Variants in RAB7A observed in about 807,000 individuals in gnomAD.
RAB7A encodes the protein RAB7A, member RAS oncogene family, also known as ras-related protein Rab-7a.
Under a neutral mutation model 24.5 loss-of-function variants are expected in RAB7A, and 2 were observed. The ratio of observed to expected loss-of-function variants is 0.08; its 90% CI spans 0.03 to 0.26. The LOEUF (loss-of-function observed/expected upper bound fraction) is 0.26, where lower values mean the gene tolerates loss of function less well. Ranked by LOEUF, RAB7A falls within the 10% of genes least tolerant of loss-of-function variation. The pLI is 1.00. For synonymous variants in RAB7A, 100 were observed against 95.9 expected (o/e 1.04, Z -0.25); for missense variants, 118 against 255.7 (o/e 0.46, Z 3.67).
intron 4 of RAB7A, 25 bp downstream of exon 4, chr3:128,806,615 T>C (rs1442033391): frequency 1.3e-6 from 2 of 1,596,304 alleles, no homozygotes; most frequent in East Asian, 2.2e-5. Context: ...TGATAGATAT[T>C]GTCACAGACA....
chr3:128,799,176 T>G (rs1219145518), intron 3 of RAB7A: 1 of 152,476 alleles, frequency 6.6e-6, no homozygotes, highest in East Asian at 1.9e-4. Flanking sequence ...GTGTTTGCCC[T>G]TGAGAGCATC....
At chr3:128,752,791 A>G (rs1293360824) in intron 1 of RAB7A, among the ~76,000 whole-genome samples, 2 of 138,814 alleles carry the variant, frequency 1.4e-5, no homozygotes, top group African/African-American at 5.4e-5. Context: ...ATAGAGGTTG[A>G]TATTTATTTT....
chr3:128,764,997 C>T (rs941124892), intron 1 of RAB7A: 213 of 1,591,570 alleles, frequency 1.3e-4, no homozygotes, highest in African/African-American at 3.3e-4. Context: ...GGCGCACCTG[C>T]GAGGTGGACG....
intron 5 of RAB7A, among the ~76,000 whole-genome samples, chr3:128,811,947 C>A (rs1415343092): frequency 6.6e-6 from 1 of 151,900 alleles, no homozygotes; most frequent in African/African-American, 2.4e-5. Flanking sequence ...GAATAATAGG[C>A]AACTCTATTG....
chr3:128,813,619 A>AGTG lies in RAB7A; in HGVS notation c.*198_*199insTGG, dbSNP rs886057943. 1.6e-6 allele frequency: 1 copy of AGTG among 622,648 alleles called. No homozygotes were observed. The highest frequency in any genetic ancestry group is 1.8e-5 in the African/African-American group (1 of 55,106). 38.6% of individuals were successfully genotyped at this position (622,648 alleles called of 1,614,324 possible). A position where few individuals can be genotyped will look rare whatever the true frequency, so the allele number is the denominator to read the frequency against. ...CACACACACGCACACACACACACAC[A>AGTG]GATCTGACGTAATCAAACTCCAGCC... On this transcript the variant is annotated 3_prime_UTR_variant, in exon 6 of 6. Transcript: ENST00000265062.
rs76401467 is a variant in RAB7A, at chr3:128,778,060, G to T, written c.-8-17300G>T. Among the ~76,000 whole-genome samples the T allele has an allele frequency of 1.6e-4, 24 of 152,294 alleles. No individual in the cohort carries two copies. The East Asian group carries it at 4.2e-3, about 27-fold the overall frequency. ...TGTGTCAGGAGGGAAAGAAGATGGT[G>T]TAGATATCAAGTAGTGAAATGAGTA... On this transcript the variant is annotated intron_variant, in intron 1 of 5. Transcript: ENST00000265062.
chr3:128,799,862 A>AG, intron 3 of RAB7A, among the ~76,000 whole-genome samples: 1 of 152,336 alleles, frequency 6.6e-6, no homozygotes, highest in East Asian at 1.9e-4. Flanking sequence ...ACCACTCTGT[A>AG]GGGACATTTA....
chr3:128,764,226 G>C (rs900943653), intron 1 of RAB7A, among the ~76,000 whole-genome samples: 1 of 152,096 alleles, frequency 6.6e-6, no homozygotes, highest in Non-Finnish European at 1.5e-5. Context: ...GATGAGTAGT[G>C]CAGTGACAGC....
At chr3:128,731,061 T>G (rs1039881090) in intron 1 of RAB7A, among the ~76,000 whole-genome samples, 1 of 152,230 alleles carries the variant, frequency 6.6e-6, no homozygotes, top group Admixed American at 6.5e-5. Flanking sequence ...CCTCAGCCTT[T>G]CCTTTCCAGC....
intron 2 of RAB7A, 117 bp from the exon 3 acceptor site, chr3:128,797,826 T>C: frequency 8.5e-7 from 1 of 1,181,848 alleles, no homozygotes; most frequent in Non-Finnish European, 1.3e-6. Context: ...CCCTTTGCTG[T>C]GAGGGCAGTT....
intron 1 of RAB7A, among the ~76,000 whole-genome samples, chr3:128,741,918 C>T (rs957725073): frequency 6.6e-6 from 1 of 152,164 alleles, no homozygotes; most frequent in Admixed American, 6.5e-5. Context: ...GCCTCCCAGG[C>T]TCAGGCGATC....
At chr3:128,732,090 A>G (rs1576265181) in intron 1 of RAB7A, among the ~76,000 whole-genome samples, 1 of 142,960 alleles carries the variant, frequency 7.0e-6, no homozygotes, top group African/African-American at 2.6e-5. Context: ...GCCAGGCTGG[A>G]GTGCAGTAGC....
chr3:128,726,857 A>G (rs1346574828), intron 1 of RAB7A, among the ~76,000 whole-genome samples: 1 of 152,218 alleles, frequency 6.6e-6, no homozygotes, highest in Non-Finnish European at 1.5e-5. Context: ...CCCTGACGGC[A>G]ACTGAGTCAA....
chr3:128,749,300 T>C (rs1056698639), intron 1 of RAB7A: 1 of 152,250 alleles, frequency 6.6e-6, no homozygotes, highest in African/African-American at 2.4e-5. Flanking sequence ...TTTGCTGATA[T>C]TGGAGTGATT....
intron 1 of RAB7A, among the ~76,000 whole-genome samples, chr3:128,780,318 A>G (rs1487032995): frequency 2.0e-5 from 3 of 152,220 alleles, no homozygotes; most frequent in Non-Finnish European, 4.4e-5. Flanking sequence ...TGTTGTAACT[A>G]TATTTCTATC....
At chr3:128,755,245 AG>A (rs2070719578) in intron 1 of RAB7A, among the ~76,000 whole-genome samples, 1 of 152,236 alleles carries the variant, frequency 6.6e-6, no homozygotes, top group Non-Finnish European at 1.5e-5. Context: ...ACCCTCTTCA[AG>A]AACCAGTGGT....
chr3:128,759,713 C>T (rs2070761852), intron 1 of RAB7A, among the ~76,000 whole-genome samples: 1 of 147,904 alleles, frequency 6.8e-6, no homozygotes, highest in South Asian at 2.1e-4. Flanking sequence ...ATGATGGTGA[C>T]TTTTTTTTTT....
Position 128,778,393 on chromosome 3 carries a change from C to T in RAB7A, c.-8-16967C>T, listed in dbSNP as rs527731435. On this transcript the variant is annotated intron_variant, in intron 1 of 5. Transcript: ENST00000265062. ...CCCTGCTTCAATGAAATTTTAATAC[C>T]GTGGATATGCTGTGCATACATTGTG... Among the ~76,000 whole-genome samples, 20 of 152,088 alleles carry T rather than the reference C, an allele frequency of 1.3e-4. No individual in the cohort carries two copies. The South Asian group carries it at 3.7e-3, about 28-fold the overall frequency.
chr3:128,731,836 T>C (rs1162121267), intron 1 of RAB7A, among the ~76,000 whole-genome samples: 1 of 151,790 alleles, frequency 6.6e-6, no homozygotes, highest in Admixed American at 6.6e-5. Context: ...TGAAACCCCG[T>C]CTATACTAAA....
Sources: allele counts gnomAD v4.1 joint callset (sites outside exome capture counted in the v4.1 genomes callset), GRCh38; gene constraint gnomAD v4.1.1; transcripts MANE v1.5; gene names NCBI Gene and HGNC (gene_info 2026-07-23, HGNC 2026-07-21).